Variants in RCAN1 observed in about 807,000 individuals in gnomAD.
The protein encoded by RCAN1 is calcipressin-1.
RCAN1 carries 11 observed loss-of-function variants against 22.9 expected under a neutral mutation model. The ratio of observed to expected loss-of-function variants is 0.48; its 90% CI spans 0.30 to 0.79. The LOEUF (loss-of-function observed/expected upper bound fraction) is 0.79, where lower values mean the gene tolerates loss of function less well. Among genes scored for constraint, RCAN1 ranks in the 30% least tolerant of loss-of-function variants. The probability of loss-of-function intolerance (pLI) is 0.06; values close to 1 mark genes in which losing one functional copy is unlikely to be tolerated. For synonymous variants in RCAN1, 136 were observed against 142.3 expected (o/e 0.96, Z 0.32); for missense variants, 291 against 337.8 (o/e 0.86, Z 1.09).
chr21:34,523,527 C>T lies in RCAN1; in HGVS notation c.426+10G>A, dbSNP rs1269697728. The T allele has an allele frequency of 6.2e-7, 1 of 1,613,050 alleles. No homozygotes were observed. The highest frequency in any genetic ancestry group is 8.5e-7 in the Non-Finnish European group (1 of 1,179,556). On this transcript the variant is annotated intron_variant, in intron 2 of 3. Transcript: ENST00000313806. ...AGGGAGAAGCATGCATAGCAATGAA[C>T]CCAACTCACCTGAGCAAAATATAAC... is the stretch of plus-strand genomic sequence containing the variant.
chr21:34,601,614 C>T lies in RCAN1; in HGVS notation c.252+13146G>A, dbSNP rs533303440. On this transcript the variant is annotated intron_variant, in intron 1 of 3. Transcript: ENST00000313806. ...TGGGCGGATCACGAGGTCAGGAGAT[C>T]GAGATCATCTTGGCTAACACGGTGA... 3.4e-4 allele frequency among the ~76,000 whole-genome samples: 51 copies of T among 152,206 alleles called. No homozygotes were observed. In the East Asian group the frequency reaches 7.3e-3, roughly 22 times the overall value.
chr21:34,553,244 G>C (rs999175281), intron 1 of RCAN1, among the ~76,000 whole-genome samples: 3 of 152,202 alleles, frequency 2.0e-5, no homozygotes, highest in East Asian at 1.9e-4. Flanking sequence ...GCTCACAGTG[G>C]GGGTGGAGAT....
chr21:34,614,563 G>C lies in RCAN1; in HGVS notation c.252+197C>G. On this transcript the variant is annotated intron_variant, in intron 1 of 3. Transcript: ENST00000313806. The surrounding 1 kb of genome is among the most constrained non-coding windows in gnomAD (Gnocchi z 6.0). ...CTGCAGTGAGCTCCGCGCGCCCCGG[G>C]GGTGCTAGGGGACCGGGACCCTCGG... 3.0e-6 allele frequency: 3 copies of C among 990,054 alleles called. No individual in the cohort carries two copies. The highest frequency in any genetic ancestry group is 3.7e-6 in the Non-Finnish European group (3 of 807,992). 61.3% of individuals were successfully genotyped at this position (990,054 alleles called of 1,614,324 possible). A position where few individuals can be genotyped will look rare whatever the true frequency, so the allele number is the denominator to read the frequency against.
chr21:34,593,937 G>A (rs951355637), intron 1 of RCAN1, among the ~76,000 whole-genome samples: 4 of 152,132 alleles, frequency 2.6e-5, no homozygotes, highest in South Asian at 2.1e-4. Context: ...GTTTCCACTT[G>A]TTTTTTATTC....
intron 1 of RCAN1, among the ~76,000 whole-genome samples, chr21:34,537,321 T>C (rs1216294573): frequency 6.6e-6 from 1 of 152,260 alleles, no homozygotes; most frequent in East Asian, 1.9e-4. Flanking sequence ...AGCTGTTCCC[T>C]TTCCATCAGG....
intron 1 of RCAN1, among the ~76,000 whole-genome samples, chr21:34,530,549 C>A (rs891252502): frequency 1.3e-5 from 2 of 149,452 alleles, no homozygotes; most frequent in Admixed American, 6.7e-5. Context: ...TGCAAAGGCT[C>A]TCTTGTGAAT....
At chr21:34,591,897 G>T (rs1178726445) in intron 1 of RCAN1, among the ~76,000 whole-genome samples, 5 of 152,186 alleles carry the variant, frequency 3.3e-5, no homozygotes, top group African/African-American at 1.2e-4. Flanking sequence ...CCATCAAGAC[G>T]TGTTCCCCAA....
chr21:34,596,959 G>A (rs1988179986), intron 1 of RCAN1, among the ~76,000 whole-genome samples: 1 of 152,174 alleles, frequency 6.6e-6, no homozygotes, highest in African/African-American at 2.4e-5. Context: ...AAATGGGAGG[G>A]GAGGAGTAAA....
At chr21:34,606,831 G>A (rs557191235) in intron 1 of RCAN1, among the ~76,000 whole-genome samples, 206 of 152,320 alleles carry the variant, frequency 1.4e-3, no homozygotes, top group African/African-American at 4.7e-3. Flanking sequence ...TCACCAGAAA[G>A]AGACCATGCT....
chr21:34,596,296 G>T (rs1246727489), intron 1 of RCAN1, among the ~76,000 whole-genome samples: 1 of 152,192 alleles, frequency 6.6e-6, no homozygotes, highest in Admixed American at 6.5e-5. Context: ...AAAAAGCCGA[G>T]AGTCTCTGTA....
chr21:34,610,569 T>C (rs997552919), intron 1 of RCAN1, among the ~76,000 whole-genome samples: 2 of 152,160 alleles, frequency 1.3e-5, no homozygotes, highest in African/African-American at 4.8e-5. Flanking sequence ...AGTGATCTTT[T>C]TAAGATATAA....
chr21:34,529,302 T>C (rs1207930847), intron 1 of RCAN1, among the ~76,000 whole-genome samples: 2 of 152,184 alleles, frequency 1.3e-5, no homozygotes, highest in Admixed American at 6.5e-5. Context: ...GTGAGAGGTA[T>C]GGAGCAGATT....
At chr21:34,587,765 G>A (rs967723442) in intron 1 of RCAN1, among the ~76,000 whole-genome samples, 2 of 152,216 alleles carry the variant, frequency 1.3e-5, no homozygotes, top group African/African-American at 4.8e-5. Context: ...AATTTTATGT[G>A]TGAACTTGGC....
chr21:34,599,749 C>T (rs902921414), intron 1 of RCAN1, among the ~76,000 whole-genome samples: 10 of 151,878 alleles, frequency 6.6e-5, no homozygotes, highest in African/African-American at 2.2e-4. Flanking sequence ...TGATTTGAGG[C>T]GTAATTAACA....
At chr21:34,569,346 T>C (rs1987152125) in intron 1 of RCAN1, among the ~76,000 whole-genome samples, 1 of 152,208 alleles carries the variant, frequency 6.6e-6, no homozygotes, top group African/African-American at 2.4e-5. Flanking sequence ...GTTGGAAGAA[T>C]TGCTATATAG....
chr21:34,606,823 A>G (rs1342962014), intron 1 of RCAN1, among the ~76,000 whole-genome samples: 2 of 152,202 alleles, frequency 1.3e-5, no homozygotes, highest in Non-Finnish European at 2.9e-5. Flanking sequence ...GAGAGGCCTC[A>G]CCAGAAAGAG....
At chr21:34,570,703 C>T (rs1399195842) in intron 1 of RCAN1, among the ~76,000 whole-genome samples, 1 of 151,586 alleles carries the variant, frequency 6.6e-6, no homozygotes, top group East Asian at 1.9e-4. Context: ...ACAATCAACC[C>T]AGTAACACTA....
intron 1 of RCAN1, among the ~76,000 whole-genome samples, chr21:34,597,999 A>G (rs975014177): frequency 1.3e-5 from 2 of 152,248 alleles, no homozygotes; most frequent in African/African-American, 4.8e-5. Flanking sequence ...GATAGGGTCT[A>G]TATAAAGAAA....
rs1555861219 is a variant in RCAN1 at position 34,556,429 on chromosome 21, A to AAT, written c.253-32720_253-32719insAT. Among the ~76,000 whole-genome samples the AAT allele has an allele frequency of 4.8e-5, 7 of 145,540 alleles. No homozygotes were observed. In the East Asian group the frequency reaches 1.2e-3, roughly 25 times the overall value. ...TGACAGACTGAGACCTTGTCTCAAA[A>AAT]AATAATAATAATAATAATAATAATA... On this transcript the variant is annotated intron_variant, in intron 1 of 3. Transcript: ENST00000313806.
Sources: allele counts gnomAD v4.1 joint callset (sites outside exome capture counted in the v4.1 genomes callset), GRCh38; gene constraint gnomAD v4.1.1; non-coding constraint Gnocchi (gnomAD v3.1); transcripts MANE v1.5; gene names NCBI Gene and HGNC (gene_info 2026-07-23, HGNC 2026-07-21).